Variants in MACROD1 observed in about 807,000 individuals in gnomAD.
MACROD1 encodes the protein ADP-ribose glycohydrolase MACROD1.
In MACROD1, 31 loss-of-function variants were observed where a neutral mutation model predicts 41.4. That is an observed-to-expected ratio of 0.75 (90% CI 0.56 to 1.01). The LOEUF (loss-of-function observed/expected upper bound fraction) is 1.01. Among genes scored for constraint, MACROD1 ranks in the 50% least tolerant of loss-of-function variants. The pLI, the probability that MACROD1 is intolerant of heterozygous loss-of-function variation, is 0.00. For missense variants in MACROD1, 473 were observed against 460.0 expected, an observed-to-expected ratio of 1.03 and a Z score of -0.26; for synonymous variants, 252 against 203.4, an observed-to-expected ratio of 1.24 and a Z score of -2.03.
chr11:64,065,447 A>C (rs1943980942), intron 3 of MACROD1, among the ~76,000 whole-genome samples: 1 of 152,202 alleles, frequency 6.6e-6, no homozygotes, highest in South Asian at 2.1e-4. Flanking sequence ...CTGAGGCTCC[A>C]GAGAGCCTGG....
intron 3 of MACROD1, among the ~76,000 whole-genome samples, chr11:64,029,219 C>T (rs933990885): frequency 6.6e-6 from 1 of 152,188 alleles, no homozygotes; most frequent in East Asian, 1.9e-4. Flanking sequence ...GGCGCTGGGC[C>T]TCAAGAGCCT....
chr11:64,138,806 C>T (rs1426050137), intron 3 of MACROD1, among the ~76,000 whole-genome samples: 3 of 151,642 alleles, frequency 2.0e-5, no homozygotes, highest in Non-Finnish European at 2.9e-5. Flanking sequence ...CTTGCTCTGT[C>T]GCCCAGGCTG....
At chr11:64,020,694 A>G (rs1467369991) in intron 3 of MACROD1, among the ~76,000 whole-genome samples, 1 of 151,556 alleles carries the variant, frequency 6.6e-6, no homozygotes, top group African/African-American at 2.4e-5. Context: ...ATGAATCACT[A>G]TCACTGCCTC....
intron 3 of MACROD1, among the ~76,000 whole-genome samples, chr11:64,101,220 G>T (rs1265489781): frequency 3.9e-5 from 6 of 152,128 alleles, no homozygotes; most frequent in African/African-American, 1.4e-4. Flanking sequence ...GCCAGCTCAG[G>T]GCATTAGTGG....
At chr11:64,110,312 T>G (rs1944838365) in intron 3 of MACROD1, among the ~76,000 whole-genome samples, 1 of 151,526 alleles carries the variant, frequency 6.6e-6, no homozygotes, top group Admixed American at 6.6e-5. Context: ...TAGCTGGGTG[T>G]GGTGGTGCAG....
At chr11:64,083,276 A>C (rs1433232356) in intron 3 of MACROD1, among the ~76,000 whole-genome samples, 1 of 152,116 alleles carries the variant, frequency 6.6e-6, no homozygotes, top group Non-Finnish European at 1.5e-5. Context: ...TCTCTACTAA[A>C]ATACAAAAAA....
At position 64,158,355 on chromosome 11, in the gene MACROD1, G is replaced by A. The variant is rs1003241015; in HGVS notation, c.299-5962C>T. On this transcript the variant is annotated intron_variant, in intron 1 of 10. Transcript: ENST00000255681. ...GAGGGGTGACAAGGAAGGGGAGGCT[G>A]CTGGGACCCATTCTGGGCCATGATA... Among the ~76,000 whole-genome samples the A allele has an allele frequency of 6.6e-5, 10 of 152,240 alleles. 1 individual carries two copies. The highest frequency in any genetic ancestry group is 1.4e-4 in the African/African-American group (6 of 41,456).
intron 3 of MACROD1, among the ~76,000 whole-genome samples, chr11:64,143,500 C>T (rs1034923073): frequency 9.2e-5 from 14 of 152,050 alleles, no homozygotes; most frequent in Non-Finnish European, 1.5e-4. Flanking sequence ...GGGCTTGGGA[C>T]ACAGGATACC....
intron 1 of MACROD1, among the ~76,000 whole-genome samples, chr11:64,157,573 T>A (rs1198605337): frequency 6.6e-6 from 1 of 152,182 alleles, no homozygotes; most frequent in Non-Finnish European, 1.5e-5. Context: ...TAAAAAGATG[T>A]CCGCAGTAAA....
intron 3 of MACROD1, among the ~76,000 whole-genome samples, chr11:64,066,720 G>T: frequency 6.6e-6 from 1 of 151,688 alleles, no homozygotes; most frequent in Middle Eastern, 3.2e-3. Flanking sequence ...TACGATGAGA[G>T]CCCCCAGGCA....
Position 64,165,691 on chromosome 11 carries a change from A to G in MACROD1, c.298+6T>C. ...CTCCCTCGCGCCCCCTCGTGCTTACACTTACATTTCGCCTCCTTCCAGTCG... is the reference window on the plus strand; with the variant it reads ...CTCCCTCGCGCCCCCTCGTGCTTACGCTTACATTTCGCCTCCTTCCAGTCG... On this transcript the variant is annotated splice_donor_region_variant and intron_variant, in intron 1 of 10. Coordinates refer to ENST00000255681, the MANE Select transcript of MACROD1 (RefSeq NM_014067.4). 1 of 1,438,140 alleles carries G rather than the reference A, an allele frequency of 7.0e-7. No homozygotes were observed. The highest frequency in any genetic ancestry group is 9.2e-7 in the Non-Finnish European group (1 of 1,092,676). The allele number at this position is 1,438,140 out of a possible 1,614,324, so 89.1% of individuals were successfully genotyped here.
intron 3 of MACROD1, among the ~76,000 whole-genome samples, chr11:64,072,973 C>G (rs974365005): frequency 2.6e-5 from 4 of 152,210 alleles, no homozygotes; most frequent in African/African-American, 9.6e-5. Context: ...ACTGCCCTGT[C>G]TTCTGAAGGG....
At chr11:64,111,628 G>A (rs1439625053) in intron 3 of MACROD1, among the ~76,000 whole-genome samples, 2 of 152,156 alleles carry the variant, frequency 1.3e-5, no homozygotes, top group Non-Finnish European at 1.5e-5. Flanking sequence ...GTGTGTAGGC[G>A]GCAACCTCTG....
Position 64,151,350 on chromosome 11 carries a change from C to A in MACROD1, c.406G>T (p.Ala136Ser). ...TACCTGGGCTCCTCCACCTTCACAG[C>A]CACCCCTGGAACAAGTAGGGGCCGG... is the stretch of plus-strand genomic sequence containing the variant. The part of the protein sequence containing the change: ...PTWKEMAKGV[A>S]VKVEEPRYKK... Residue 136 changes from alanine to serine, a missense_variant, in exon 3 of 11, where the codon GCT becomes TCT. Coordinates refer to ENST00000255681, the MANE Select transcript of MACROD1 (RefSeq NM_014067.4). 1 of 1,612,536 alleles carries A rather than the reference C, an allele frequency of 6.2e-7. No individual in the cohort carries two copies.
At position 64,013,631 on chromosome 11, in the gene MACROD1, G is replaced by A. The variant is rs77551152; in HGVS notation, c.547+1621C>T. On this transcript the variant is annotated intron_variant, in intron 4 of 10. Transcript: ENST00000255681. ...GCAGGGTGGTGGGCAGAAGAGACTC[G>A]ATGAGCTGATGTGGGACAGAAAGGC... 3.5e-3 allele frequency among the ~76,000 whole-genome samples: 538 copies of A among 152,294 alleles called. 5 individuals carry two copies. The highest frequency in any genetic ancestry group is 0.012 in the African/African-American group (513 of 41,548).
chr11:64,131,657 G>A (rs1346819392), intron 3 of MACROD1, among the ~76,000 whole-genome samples: 2 of 152,268 alleles, frequency 1.3e-5, no homozygotes, highest in East Asian at 3.9e-4. Flanking sequence ...CAGCAGGAAT[G>A]TAAGCTCTCT....
intron 4 of MACROD1, among the ~76,000 whole-genome samples, chr11:64,013,371 G>T (rs1309791258): frequency 6.6e-6 from 1 of 152,226 alleles, no homozygotes; most frequent in Non-Finnish European, 1.5e-5. Flanking sequence ...GTCAAGGCCT[G>T]TCGGAGTGAA....
At position 64,010,200 on chromosome 11, in the gene MACROD1, G is replaced by A. The variant is rs548679595; in HGVS notation, c.547+5052C>T. ...TGGTGTGTTGGCTGGGGTGTTGGTT[G>A]GCATATTGGTTGGGGTGTTGCCCAG... On this transcript the variant is annotated intron_variant, in intron 4 of 10. Coordinates refer to ENST00000255681, the MANE Select transcript of MACROD1 (RefSeq NM_014067.4). 6.1e-4 allele frequency among the ~76,000 whole-genome samples: 92 copies of A among 151,382 alleles called. 1 individual carries two copies. The highest frequency in any genetic ancestry group is 1.2e-3 in the Non-Finnish European group (83 of 67,790).
chr11:64,097,614 A>G (rs958916590), intron 3 of MACROD1, among the ~76,000 whole-genome samples: 10 of 152,238 alleles, frequency 6.6e-5, no homozygotes, highest in Non-Finnish European at 4.4e-5. Context: ...GGGTTTTGTC[A>G]GGAGATGGTT....
Sources: gnomAD v4.1 joint callset for allele counts (sites outside exome capture counted in the v4.1 genomes callset) on GRCh38, gnomAD v4.1.1 for gene constraint, MANE v1.5 for transcripts, NCBI Gene and HGNC (gene_info 2026-07-23, HGNC 2026-07-21) for gene names.